Variants in RALGPS1 observed in about 807,000 individuals in gnomAD.
RALGPS1 encodes the protein Ral GEF with PH domain and SH3 binding motif 1.
RALGPS1 carries 19 observed loss-of-function variants against 78.8 expected under a neutral mutation model. The ratio of observed to expected loss-of-function variants is 0.24; its 90% CI spans 0.17 to 0.35. The LOEUF is 0.35. RALGPS1 is among the 10% of genes least tolerant of loss of function. The probability of loss-of-function intolerance (pLI) is 1.00; values close to 1 mark genes in which losing one functional copy is unlikely to be tolerated. For synonymous variants in RALGPS1, 228 were observed against 256.3 expected, an observed-to-expected ratio of 0.89 and a Z score of 1.06; for missense variants, 454 against 688.3, an observed-to-expected ratio of 0.66 and a Z score of 3.81.
intron 8 of RALGPS1, among the ~76,000 whole-genome samples, chr9:127,143,304 C>G (rs2057903427): frequency 6.6e-6 from 1 of 152,212 alleles, no homozygotes; most frequent in South Asian, 2.1e-4. Flanking sequence ...TGAACCAGCT[C>G]ACCCTGCTCC....
At chr9:127,069,987 G>A (rs764136080) in intron 8 of RALGPS1, 3 of 151,978 alleles carry the variant, frequency 2.0e-5, no homozygotes, top group East Asian at 1.9e-4. Context: ...TGTCAAACTC[G>A]AATCTGCTCT....
chr9:127,108,705 C>T, intron 8 of RALGPS1: 1 of 1,612,288 alleles, frequency 6.2e-7, no homozygotes, highest in Non-Finnish European at 8.5e-7. Context: ...GTCCGAGCCA[C>T]CAGCATGTCA....
At chr9:127,092,653 G>C (rs919477084) in intron 8 of RALGPS1, among the ~76,000 whole-genome samples, 1 of 152,108 alleles carries the variant, frequency 6.6e-6, no homozygotes, top group African/African-American at 2.4e-5. Context: ...ATCCTCCCTA[G>C]TATGGATGAA....
At position 127,184,005 on chromosome 9, in the gene RALGPS1, G is replaced by A. The variant is rs917490606; in HGVS notation, c.910+9223G>A. 5.8e-6 allele frequency: 9 copies of A among 1,549,762 alleles called. No homozygotes were observed. In the East Asian group the frequency reaches 7.3e-5, roughly 13 times the overall value. On this transcript the variant is annotated intron_variant, in intron 11 of 18. Transcript: ENST00000259351. ...GCTCCCCCAGCATCTGCTGCTCCGC[G>A]CTCCCCGTGGCCTAGGAATCTAAGA... is the stretch of plus-strand genomic sequence containing the variant.
chr9:127,057,173 A>G lies in RALGPS1; in HGVS notation c.483+4234A>G, dbSNP rs996932418. On this transcript the variant is annotated intron_variant, in intron 7 of 18. Transcript: ENST00000259351. ...TATGCTGGATGGCTTGCTAATGGCA[A>G]GAACCTGTGAGAGAATCAGGCTGGG... 3.3e-5 allele frequency among the ~76,000 whole-genome samples: 5 copies of G among 152,210 alleles called. No individual in the cohort carries two copies. In the South Asian group the frequency reaches 6.2e-4, roughly 19 times the overall value.
intron 7 of RALGPS1, among the ~76,000 whole-genome samples, chr9:127,056,860 C>T (rs886818664): frequency 2.0e-5 from 3 of 152,124 alleles, no homozygotes; most frequent in African/African-American, 7.2e-5. Context: ...TATGAGATGG[C>T]CATAGAAATG....
chr9:127,077,173 C>T (rs987577451), intron 8 of RALGPS1, among the ~76,000 whole-genome samples: 1 of 152,144 alleles, frequency 6.6e-6, no homozygotes, highest in Admixed American at 6.5e-5. Context: ...GCATTGAACA[C>T]ACCTCACCTT....
At chr9:126,992,373 A>C (rs537785401) in intron 4 of RALGPS1, among the ~76,000 whole-genome samples, 216 of 152,294 alleles carry the variant, frequency 1.4e-3, no homozygotes, top group Middle Eastern at 0.01. Flanking sequence ...CCATCACCCC[A>C]AAAATTTTTT....
At chr9:126,982,820 TTC>T (rs2041383846) in intron 4 of RALGPS1, among the ~76,000 whole-genome samples, 1 of 91,746 alleles carries the variant, frequency 1.1e-5, no homozygotes, top group Non-Finnish European at 3.0e-5. Flanking sequence ...TTCTTCCTCC[TTC>T]TTCTTCCTCT....
chr9:127,206,656 G>A (rs1204550329), intron 14 of RALGPS1, among the ~76,000 whole-genome samples: 5 of 152,014 alleles, frequency 3.3e-5, no homozygotes, highest in Non-Finnish European at 7.4e-5. Context: ...TATCAGGGAG[G>A]GATCCTACTT....
At chr9:127,163,192 T>G (rs1424547087) in intron 8 of RALGPS1, among the ~76,000 whole-genome samples, 1 of 152,180 alleles carries the variant, frequency 6.6e-6, no homozygotes, top group African/African-American at 2.4e-5. Flanking sequence ...CCACATCTCT[T>G]CACTCCCTGC....
At chr9:127,153,006 A>T (rs993081689) in intron 8 of RALGPS1, among the ~76,000 whole-genome samples, 1 of 152,232 alleles carries the variant, frequency 6.6e-6, no homozygotes, top group Non-Finnish European at 1.5e-5. Flanking sequence ...CACACTGAAC[A>T]ATAAGTGGCA....
intron 8 of RALGPS1, among the ~76,000 whole-genome samples, chr9:127,099,025 G>A (rs540932113): frequency 1.3e-5 from 2 of 152,316 alleles, no homozygotes; most frequent in South Asian, 2.1e-4. Context: ...TGAGGCCTCC[G>A]TGGGCAAGAG....
intron 9 of RALGPS1, 27 bp downstream of exon 9, chr9:127,166,233 G>A: frequency 6.2e-7 from 1 of 1,609,122 alleles, no homozygotes; most frequent in Non-Finnish European, 8.5e-7. Context: ...TTAGAATTGT[G>A]AAATCTTACG....
intron 4 of RALGPS1, among the ~76,000 whole-genome samples, chr9:127,030,862 T>C (rs1406569291): frequency 6.6e-6 from 1 of 152,142 alleles, no homozygotes; most frequent in African/African-American, 2.4e-5. Context: ...CATTTAAGTT[T>C]GGTGGCAGGA....
At chr9:127,213,107 C>G (rs2062372832) in intron 17 of RALGPS1, 58 bp downstream of exon 17, 3 of 1,598,422 alleles carry the variant, frequency 1.9e-6, no homozygotes, top group Admixed American at 3.6e-5. Flanking sequence ...TCCTCTCTTG[C>G]ACAGCGTGCA....
chr9:127,086,975 G>A (rs1221889989), intron 8 of RALGPS1, among the ~76,000 whole-genome samples: 1 of 152,198 alleles, frequency 6.6e-6, no homozygotes, highest in East Asian at 1.9e-4. Context: ...GGGGAAGGGA[G>A]AGGTCCTTGT....
At chr9:127,133,824 C>T (rs888802462) in intron 8 of RALGPS1, among the ~76,000 whole-genome samples, 5 of 152,040 alleles carry the variant, frequency 3.3e-5, no homozygotes, top group African/African-American at 1.2e-4. Flanking sequence ...CCCAGACACT[C>T]GGCCTATTTT....
At chr9:126,999,276 G>A (rs2043066403) in intron 4 of RALGPS1, among the ~76,000 whole-genome samples, 1 of 152,002 alleles carries the variant, frequency 6.6e-6, no homozygotes, top group African/African-American at 2.4e-5. Flanking sequence ...CCCACTATCA[G>A]CGTCCTCCCC....
Sources: allele counts gnomAD v4.1 joint callset (sites outside exome capture counted in the v4.1 genomes callset), GRCh38; gene constraint gnomAD v4.1.1; transcripts MANE v1.5; gene names NCBI Gene and HGNC (gene_info 2026-07-23, HGNC 2026-07-21).